LRP2: variants seen among roughly 807,000 people sequenced by gnomAD.
LRP2 encodes the protein LDL receptor related protein 2.
A neutral mutation model predicts 531.0 loss-of-function variants in LRP2; 172 were observed. The observed-to-expected ratio is 0.32, with a 90% CI of 0.29 to 0.37. The LOEUF (loss-of-function observed/expected upper bound fraction) is 0.37. LRP2 is among the 10% of genes least tolerant of loss of function. The pLI, the probability that LRP2 is intolerant of heterozygous loss-of-function variation, is 1.00. For synonymous variants in LRP2, 1,992 were observed against 2,027.6 expected (o/e 0.98, Z 0.47); for missense variants, 5,167 against 5,868.3 (o/e 0.88, Z 3.90).
rs571469536 is a variant in LRP2, at chr2:169,206,863, A to C, written c.6857T>G (p.Phe2286Cys). ...RYPTPYGITV[F>C]ENSIIWVDRN... ...ATCTACCCATATGATAGAATTTTCA[A>C]AAACAGTGATGCCATAAGGAGTTGG... Residue 2286 changes from phenylalanine (F) to cysteine (C), a missense_variant, in exon 39 of 79, where the codon TTT (phenylalanine) becomes TGT (cysteine). Phe to Cys is a radical substitution (Grantham distance 205). Around this residue, in one of 6 missense-constraint regions of LRP2, gnomAD observed 2,811 missense variants for 3,058.0 expected, o/e 0.92. Coordinates refer to ENST00000649046, the MANE Select transcript of LRP2 (RefSeq NM_004525.3). 6.2e-7 allele frequency: 1 copy of C among 1,614,212 alleles called. No individual in the cohort carries two copies. Among genetic ancestry groups the C allele is most frequent in the Admixed American group, 1.7e-5 (1 of 60,026 alleles).
chr2:169,182,120 A>C, intron 51 of LRP2, 47 bp downstream of exon 51: 1 of 1,610,370 alleles, frequency 6.2e-7, no homozygotes, highest in Non-Finnish European at 8.5e-7. Context: ...TAACAGAGGC[A>C]GAAGAAGGAG....
In LRP2 at chr2:169,156,389, T is replaced by C; in HGVS notation, c.12036A>G (p.Glu4012=). 5.0e-6 allele frequency: 8 copies of C among 1,613,552 alleles called. No individual in the cohort carries two copies. The highest frequency in any genetic ancestry group is 2.2e-5 in the East Asian group (1 of 44,884). ...RTSCLDINEC[E]QFGTCPQHCR... is the part of the protein sequence containing the mutation. The stretch of plus-strand genomic sequence containing the variant: ...AGTGCTGGGGACAAGTCCCAAATTG[T>C]TCACATTCATTGATATCTGTAGGCA... The change falls in exon 65 of 79, where the codon GAA becomes GAG. Residue 4012 remains glutamate (E), a synonymous_variant. Transcript: ENST00000649046.
At chr2:169,327,518 C>G (rs1374918325) in intron 1 of LRP2, among the ~76,000 whole-genome samples, 1 of 127,414 alleles carries the variant, frequency 7.8e-6, no homozygotes, top group African/African-American at 3.0e-5. Flanking sequence ...GCCAGCCGCC[C>G]CGTCCGGGAG....
intron 31 of LRP2, among the ~76,000 whole-genome samples, chr2:169,226,949 T>A (rs1689222094): frequency 6.6e-6 from 1 of 151,434 alleles, no homozygotes. Flanking sequence ...CTCACACTGA[T>A]CTCAGGGAAA....
chr2:169,340,917 C>A (rs77592448), intron 1 of LRP2, among the ~76,000 whole-genome samples: 3,815 of 152,226 alleles, frequency 0.025, 84 homozygotes, highest in Middle Eastern at 0.051. Context: ...TTATGCCTGA[C>A]ACTGTGCCAG....
chr2:169,153,089 T>C (rs1686205369), intron 66 of LRP2, 125 bp from the exon 67 acceptor site: 3 of 851,266 alleles, frequency 3.5e-6, no homozygotes, highest in African/African-American at 3.3e-5. Flanking sequence ...ACTGTTGTTA[T>C]AATATGAATA....
chr2:169,188,266 C>T lies in LRP2; in HGVS notation c.9033-1G>A, dbSNP rs371635903. On this transcript the variant is annotated splice_acceptor_variant, in intron 48 of 78. Transcript: ENST00000649046. LOFTEE classifies it high-confidence loss of function. ...ACCACAGTCATTGTGCCGGTCACAC[C>T]TGTATCATGAGATCCAGTACCACTT... 1 of 1,613,926 alleles carries T rather than the reference C, an allele frequency of 6.2e-7. No individual in the cohort carries two copies. Among genetic ancestry groups the T allele is most frequent in the Non-Finnish European group, 8.5e-7 (1 of 1,180,024 alleles).
intron 10 of LRP2, among the ~76,000 whole-genome samples, chr2:169,281,035 T>C (rs767203057): frequency 2.6e-5 from 4 of 152,166 alleles, no homozygotes; most frequent in Admixed American, 2.0e-4. Context: ...TTATTGGCAA[T>C]AGCAAAAGAT....
At chr2:169,206,282 C>A (rs1688383303) in intron 39 of LRP2, 48 bp downstream of exon 39, 21 of 1,609,898 alleles carry the variant, frequency 1.3e-5, no homozygotes, top group Non-Finnish European at 1.8e-5. Flanking sequence ...TGTGTGTTGA[C>A]CCCATTGTGT....
chr2:169,143,752 T>G (rs1685812993), intron 70 of LRP2, among the ~76,000 whole-genome samples: 2 of 152,204 alleles, frequency 1.3e-5, no homozygotes, highest in East Asian at 3.8e-4. Flanking sequence ...AAAAGCTCCC[T>G]AGGTAAGTCT....
Position 169,289,014 on chromosome 2 carries a change from C to T in LRP2, c.1042+12G>A. 1 of 1,613,864 alleles carries T rather than the reference C, an allele frequency of 6.2e-7. No individual in the cohort carries two copies. On this transcript the variant is annotated intron_variant, in intron 9 of 78. Coordinates refer to ENST00000649046, the MANE Select transcript of LRP2 (RefSeq NM_004525.3). ...AATGAAAGACAAGTAGCCGCCGCCC[C>T]CCATCACTTACCAACACAGGTACGG...
At chr2:169,227,805 C>T (rs920517667) in intron 31 of LRP2, among the ~76,000 whole-genome samples, 1 of 152,100 alleles carries the variant, frequency 6.6e-6, no homozygotes, top group African/African-American at 2.4e-5. Context: ...GTAAATTTCG[C>T]AACTATTAAT....
At chr2:169,170,769 G>C in intron 58 of LRP2, 102 bp from the exon 59 acceptor site, 2 of 827,626 alleles carry the variant, frequency 2.4e-6, no homozygotes, top group Non-Finnish European at 4.3e-6. Context: ...GCACCCTCCT[G>C]TGTCCCAAGC....
At chr2:169,157,615 C>G (rs948275720) in intron 63 of LRP2, 113 bp from the exon 64 acceptor site, 16 of 1,213,108 alleles carry the variant, frequency 1.3e-5, no homozygotes, top group Non-Finnish European at 1.9e-5. Flanking sequence ...TGAGATAACC[C>G]CTTTCCATAA....
chr2:169,272,633 TAGGAGAAAA>T (rs1329740195), intron 15 of LRP2, among the ~76,000 whole-genome samples: 1 of 151,938 alleles, frequency 6.6e-6, no homozygotes, highest in Non-Finnish European at 1.5e-5. Flanking sequence ...TCATAGTTAA[TAGGAGAAAA>T]AGGCTTCAGG....
At position 169,206,010 on chromosome 2, in the gene LRP2, G is replaced by T. The variant is rs758783559; in HGVS notation, c.7556+13C>A. ...AAGCAGACAGAAATATAACAAGGAA[G>T]ATGATGGCATACCCTTGGCAGGGAT... On this transcript the variant is annotated intron_variant, in intron 40 of 78. Transcript: ENST00000649046. 4.3e-6 allele frequency: 7 copies of T among 1,614,162 alleles called. No individual in the cohort carries two copies. The highest frequency in any genetic ancestry group is 5.9e-6 in the Non-Finnish European group (7 of 1,180,004).
chr2:169,305,788 A>G (rs1038544368), intron 4 of LRP2, among the ~76,000 whole-genome samples: 1 of 152,196 alleles, frequency 6.6e-6, no homozygotes, highest in Non-Finnish European at 1.5e-5. Flanking sequence ...GTCCCCTAAG[A>G]TTATAATACC....
intron 25 of LRP2, among the ~76,000 whole-genome samples, chr2:169,240,127 G>A (rs965985303): frequency 1.3e-5 from 2 of 152,154 alleles, no homozygotes; most frequent in East Asian, 1.9e-4. Flanking sequence ...ATTGTTTCTC[G>A]TTTTCTTCCT....
chr2:169,225,600 C>T, intron 32 of LRP2, 147 bp from the exon 33 acceptor site: 1 of 874,796 alleles, frequency 1.1e-6, no homozygotes, highest in South Asian at 1.5e-5. Flanking sequence ...TTCAGCACCA[C>T]TGGGTAGGCT....
Sources: gnomAD v4.1 joint callset for allele counts (sites outside exome capture counted in the v4.1 genomes callset) on GRCh38, gnomAD v4.1.1 for gene constraint, gnomAD v4.1.1 regional missense constraint, MANE v1.5 for transcripts, NCBI Gene and HGNC (gene_info 2026-07-23, HGNC 2026-07-21) for gene names.